Variants in CALN1 observed in about 807,000 individuals in gnomAD.
The protein encoded by CALN1 is calneuron 1.
In CALN1, 17 loss-of-function variants were observed where a neutral mutation model predicts 30.6. That is an observed-to-expected ratio of 0.56 (90% CI 0.38 to 0.83). The LOEUF (loss-of-function observed/expected upper bound fraction) is 0.83. Ranked by LOEUF, CALN1 falls within the 40% of genes least tolerant of loss-of-function variation. The pLI is 0.00. For missense variants in CALN1, 291 were observed against 354.9 expected (o/e 0.82, Z 1.45); for synonymous variants, 156 against 131.4 (o/e 1.19, Z -1.28).
intron 1 of CALN1, among the ~76,000 whole-genome samples, chr7:72,408,064 A>T (rs1475550845): frequency 6.6e-6 from 1 of 152,132 alleles, no homozygotes; most frequent in African/African-American, 2.4e-5. Flanking sequence ...CCTTGAAATA[A>T]TTGGTGTTCA....
At chr7:72,493,803 G>T in the CALN1 span, among the ~76,000 whole-genome samples, 1 of 152,178 alleles carries the variant, frequency 6.6e-6, no homozygotes, top group Non-Finnish European at 1.5e-5. Flanking sequence ...CTGAGATAAG[G>T]TCAATCAATT....
chr7:72,237,145 T>C lies in CALN1; in HGVS notation c.244+41541A>G, dbSNP rs573090730. On this transcript the variant is annotated intron_variant, in intron 3 of 6. Transcript: ENST00000395275. ...GATTACAGGCATGTGCCACCACACC[T>C]GGCTAATTTTCTATTTTTAGTAGAG... Among the ~76,000 whole-genome samples, 126 of 152,036 alleles carry C rather than the reference T, an allele frequency of 8.3e-4. 1 individual carries two copies. Among genetic ancestry groups the C allele is most frequent in the Non-Finnish European group, 1.3e-3 (86 of 68,012 alleles).
At chr7:71,933,578 GTTGCT>G (rs1333478525) in intron 5 of CALN1, among the ~76,000 whole-genome samples, 6 of 152,132 alleles carry the variant, frequency 3.9e-5, no homozygotes, top group Admixed American at 2.6e-4. Flanking sequence ...AAAAGAAATG[GTTGCT>G]TTGCTTAACA....
intron 5 of CALN1, among the ~76,000 whole-genome samples, chr7:71,830,599 C>T (rs1458347337): frequency 2.6e-5 from 4 of 152,134 alleles, no homozygotes; most frequent in African/African-American, 4.8e-5. Context: ...CCACCTGCCT[C>T]GGCCTCCCAA....
At chr7:71,821,600 G>A (rs546700683) in intron 5 of CALN1, among the ~76,000 whole-genome samples, 1 of 152,218 alleles carries the variant, frequency 6.6e-6, no homozygotes, top group East Asian at 1.9e-4. Flanking sequence ...TACAACATGT[G>A]GGAACTATGG....
chr7:72,293,967 G>A (rs1194190559), intron 2 of CALN1, among the ~76,000 whole-genome samples: 1 of 151,954 alleles, frequency 6.6e-6, no homozygotes, highest in African/African-American at 2.4e-5. Flanking sequence ...GCATCATGGT[G>A]CACACCTGTA....
rs1563111506 is a variant in CALN1 at position 72,163,391 on chromosome 7, T to TA, written c.245-57098_245-57097insT. Among the ~76,000 whole-genome samples, 1,262 of 130,386 alleles carry TA rather than the reference T, an allele frequency of 9.7e-3. 36 individuals are homozygous for TA. The highest frequency in any genetic ancestry group is 0.032 in the African/African-American group (1,133 of 35,108). 85.5% of individuals were successfully genotyped at this position (130,386 alleles called of 152,430 possible). On this transcript the variant is annotated intron_variant, in intron 3 of 6. Transcript: ENST00000395275. ...CTACAAGAAAAAAACTTATTGGAGATTAAAAAAAAAAAAAAAAAACAGAAA... is the reference window on the plus strand; with the variant it reads ...CTACAAGAAAAAAACTTATTGGAGATATAAAAAAAAAAAAAAAAAACAGAAA...
At chr7:72,433,879 A>G (rs935875885) in intron 1 of CALN1, among the ~76,000 whole-genome samples, 2 of 151,956 alleles carry the variant, frequency 1.3e-5, no homozygotes, top group Non-Finnish European at 2.9e-5. Context: ...CAACATAACA[A>G]GGCCCCATTT....
At chr7:72,380,296 G>A (rs908654065) in intron 2 of CALN1, among the ~76,000 whole-genome samples, 4 of 152,120 alleles carry the variant, frequency 2.6e-5, no homozygotes, top group Non-Finnish European at 5.9e-5. Context: ...ACACAGGAAG[G>A]AAAACATTGT....
At chr7:72,243,159 G>A (rs562698828) in intron 3 of CALN1, among the ~76,000 whole-genome samples, 1 of 152,264 alleles carries the variant, frequency 6.6e-6, no homozygotes, top group East Asian at 1.9e-4. Context: ...TCATGAGGGA[G>A]GAGCCCCCGT....
intron 5 of CALN1, among the ~76,000 whole-genome samples, chr7:71,958,163 G>T (rs1210405516): frequency 6.6e-6 from 1 of 151,760 alleles, no homozygotes; most frequent in South Asian, 2.1e-4. Context: ...ATTCCATCAT[G>T]GTGAAGTCTG....
At chr7:72,103,882 T>TGCGGGTTATCGTGTCC (rs1806886987) in intron 4 of CALN1, among the ~76,000 whole-genome samples, 2 of 151,856 alleles carry the variant, frequency 1.3e-5, no homozygotes, top group Admixed American at 6.6e-5. Context: ...GCTCCAAAGC[T>TGCGGGTTATCGTGTCC]TGCGGGTTAT....
At chr7:72,227,338 A>AAGACCGGCCT (rs1319385364) in intron 3 of CALN1, among the ~76,000 whole-genome samples, 2 of 152,026 alleles carry the variant, frequency 1.3e-5, no homozygotes, top group African/African-American at 4.8e-5. Flanking sequence ...TCAGGAGTTC[A>AAGACCGGCCT]AGACCGGCCT....
chr7:72,196,483 C>T (rs1422308505), intron 3 of CALN1, among the ~76,000 whole-genome samples: 3 of 139,952 alleles, frequency 2.1e-5, no homozygotes, highest in Admixed American at 2.1e-4. Context: ...CACACAGCTA[C>T]GGGATTGTAC....
rs943669830 is a variant in CALN1, at chr7:71,786,265, G to A, written c.*1510C>T. ...GTGGCTCGCTACTGGAAGGGGGGAA[G>A]CATGTAGTTTTAGGATGTAATCAAA... On this transcript the variant is annotated 3_prime_UTR_variant, in exon 7 of 7. Coordinates refer to ENST00000395275, the MANE Select transcript of CALN1 (RefSeq NM_031468.4). 6.6e-6 allele frequency: 1 copy of A among 152,204 alleles called. No homozygotes were observed. Among genetic ancestry groups the A allele is most frequent in the Non-Finnish European group, 1.5e-5 (1 of 68,058 alleles). 9.4% of individuals were successfully genotyped at this position (152,204 alleles called of 1,614,324 possible).
At chr7:72,103,230 GC>G in intron 4 of CALN1, 1 of 165,074 alleles carries the variant, frequency 6.1e-6, no homozygotes, top group Non-Finnish European at 1.4e-5. Context: ...TCCTGGATAT[GC>G]CCACCAATCA....
At chr7:71,888,505 C>CA (rs1793053591) in intron 5 of CALN1, among the ~76,000 whole-genome samples, 1 of 122,826 alleles carries the variant, frequency 8.1e-6, no homozygotes, top group African/African-American at 3.0e-5. Context: ...CAAAACAAAA[C>CA]AAAAAAGCAA....
intron 2 of CALN1, among the ~76,000 whole-genome samples, chr7:72,398,388 T>C (rs1007206370): frequency 2.6e-5 from 4 of 152,234 alleles, no homozygotes; most frequent in African/African-American, 4.8e-5. Flanking sequence ...GCATTCTAAA[T>C]TCCTTGCTTT....
At chr7:72,434,988 A>T (rs1177960697) in intron 1 of CALN1, among the ~76,000 whole-genome samples, 1 of 152,202 alleles carries the variant, frequency 6.6e-6, no homozygotes, top group Non-Finnish European at 1.5e-5. Context: ...GCACTTTGGG[A>T]GGCCAAGGTG....
Sources: gnomAD v4.1 joint callset for allele counts (sites outside exome capture counted in the v4.1 genomes callset) on GRCh38, gnomAD v4.1.1 for gene constraint, MANE v1.5 for transcripts, NCBI Gene and HGNC (gene_info 2026-07-23, HGNC 2026-07-21) for gene names.